MRTFB: variants seen among roughly 807,000 people sequenced by gnomAD.
MRTFB encodes the protein myocardin-related transcription factor B.
MRTFB carries 29 observed loss-of-function variants against 104.2 expected under a neutral mutation model. The ratio of observed to expected loss-of-function variants is 0.28; its 90% CI spans 0.21 to 0.38. The LOEUF (loss-of-function observed/expected upper bound fraction) is 0.38, where lower values mean the gene tolerates loss of function less well. Among genes scored for constraint, MRTFB ranks in the 10% least tolerant of loss-of-function variants. The probability of loss-of-function intolerance (pLI) is 1.00; values close to 1 mark genes in which losing one functional copy is unlikely to be tolerated. For missense variants in MRTFB, 1,270 were observed against 1,341.6 expected, an observed-to-expected ratio of 0.95 and a Z score of 0.83; for synonymous variants, 535 against 519.5, an observed-to-expected ratio of 1.03 and a Z score of -0.41.
At chr16:14,075,068 A>G (rs1002329441) in intron 1 of MRTFB, among the ~76,000 whole-genome samples, 1 of 152,222 alleles carries the variant, frequency 6.6e-6, no homozygotes, top group Non-Finnish European at 1.5e-5. Context: ...AAGTTTTCTC[A>G]AATGGGACGT....
At chr16:14,217,945 A>G (rs2041498853) in intron 7 of MRTFB, among the ~76,000 whole-genome samples, 1 of 152,214 alleles carries the variant, frequency 6.6e-6, no homozygotes, top group Non-Finnish European at 1.5e-5. Flanking sequence ...CTTTAGCAGA[A>G]AAACAGAAAA....
At chr16:14,236,494 A>C (rs2042518045) in intron 9 of MRTFB, among the ~76,000 whole-genome samples, 1 of 152,178 alleles carries the variant, frequency 6.6e-6, no homozygotes, top group African/African-American at 2.4e-5. Flanking sequence ...ACAACCAAAT[A>C]GAGAGTGTGC....
intron 3 of MRTFB, among the ~76,000 whole-genome samples, chr16:14,196,491 A>G (rs2157043): frequency 0.18 from 27,197 of 152,202 alleles, 6,257 homozygotes; most frequent in African/African-American, 0.53. Flanking sequence ...CCAATTCTGT[A>G]TACTTAATAA....
In MRTFB at chr16:14,177,906, GTGT is replaced by G. The variant is rs2150997117; in HGVS notation, c.155-32336_155-32334del. On this transcript the variant is annotated intron_variant, in intron 3 of 16. Transcript: ENST00000571589. The surrounding 1 kb of genome is among the most constrained non-coding windows in gnomAD (Gnocchi z 4.7). Reference sequence around the variant, plus strand: ...GAAGTACATGAACCAGAGGTAGGGTGTGTGTGTGTGTGTGTGTGTGTGTGTGTG... The same window carrying G: ...GAAGTACATGAACCAGAGGTAGGGTGGTGTGTGTGTGTGTGTGTGTGTGTG... Among the ~76,000 whole-genome samples, 1 of 118,874 alleles carries G rather than the reference GTGT, an allele frequency of 8.4e-6. No homozygotes were observed. The highest frequency in any genetic ancestry group is 5.0e-5 in the African/African-American group (1 of 20,098). The allele number at this position is 118,874 out of a possible 152,430, so 78.0% of individuals were successfully genotyped here. A position where few individuals can be genotyped will look rare whatever the true frequency, so the allele number is the denominator to read the frequency against.
chr16:14,043,620 A>G, the MRTFB span, among the ~76,000 whole-genome samples: 1 of 152,242 alleles, frequency 6.6e-6, no homozygotes, highest in African/African-American at 2.4e-5. Flanking sequence ...TATAGAAACA[A>G]GGAAGAAATA....
chr16:14,178,667 G>A (rs1026144051), intron 3 of MRTFB, among the ~76,000 whole-genome samples: 1 of 152,164 alleles, frequency 6.6e-6, no homozygotes, highest in Non-Finnish European at 1.5e-5. Flanking sequence ...ACAAACTTGA[G>A]TAATATACAG....
intron 2 of MRTFB, among the ~76,000 whole-genome samples, chr16:14,106,628 T>C (rs776194179): frequency 2.0e-5 from 3 of 152,220 alleles, no homozygotes; most frequent in Non-Finnish European, 4.4e-5. Flanking sequence ...TAGTAAGCTC[T>C]AAGTAAACAT....
chr16:14,238,630 T>C (rs2042629653), intron 9 of MRTFB, among the ~76,000 whole-genome samples: 1 of 152,108 alleles, frequency 6.6e-6, no homozygotes, highest in South Asian at 2.1e-4. Context: ...GAGACCAGAA[T>C]GTTAGAAGGA....
chr16:14,054,081 G>T, the MRTFB span, among the ~76,000 whole-genome samples: 4 of 152,158 alleles, frequency 2.6e-5, no homozygotes, highest in Admixed American at 2.6e-4. Flanking sequence ...TGTTCATGGT[G>T]ATCTGTGCCA....
At chr16:14,242,017 A>G (rs2042795443) in intron 10 of MRTFB, among the ~76,000 whole-genome samples, 2 of 150,146 alleles carry the variant, frequency 1.3e-5, no homozygotes, top group South Asian at 4.2e-4. Flanking sequence ...AATAATGGTA[A>G]TGATGTCTCA....
chr16:14,041,693 G>A, the MRTFB span, among the ~76,000 whole-genome samples: 7 of 152,064 alleles, frequency 4.6e-5, no homozygotes, highest in African/African-American at 1.2e-4. Flanking sequence ...TTGGGAGGTC[G>A]GGGCGGGCAG....
chr16:14,118,029 A>G (rs1163628721), intron 2 of MRTFB, among the ~76,000 whole-genome samples: 3 of 152,136 alleles, frequency 2.0e-5, no homozygotes, highest in Non-Finnish European at 4.4e-5. Context: ...TTTGATTTAC[A>G]TTAAAAGAAA....
chr16:14,079,986 C>T (rs371238810), intron 2 of MRTFB, among the ~76,000 whole-genome samples: 4 of 152,210 alleles, frequency 2.6e-5, no homozygotes, highest in Non-Finnish European at 5.9e-5. Context: ...TACATCTCTG[C>T]GGGAATTGGA....
At chr16:14,022,207 C>T in the MRTFB span, among the ~76,000 whole-genome samples, 4 of 152,152 alleles carry the variant, frequency 2.6e-5, no homozygotes, top group Non-Finnish European at 5.9e-5. Flanking sequence ...GTTTGGAGAG[C>T]CAGTCTGCCT....
intron 3 of MRTFB, among the ~76,000 whole-genome samples, chr16:14,186,185 A>G (rs1287361630): frequency 6.6e-6 from 1 of 152,228 alleles, no homozygotes; most frequent in African/African-American, 2.4e-5. Context: ...CCCTATTACA[A>G]AGAGCATCAG....
chr16:14,086,961 A>G (rs2034740914), intron 2 of MRTFB, among the ~76,000 whole-genome samples: 1 of 152,224 alleles, frequency 6.6e-6, no homozygotes, highest in African/African-American at 2.4e-5. Context: ...CTTAAAGTTT[A>G]GACTGGCAGG....
chr16:14,031,401 A>AAT, the MRTFB span, among the ~76,000 whole-genome samples: 1 of 152,080 alleles, frequency 6.6e-6, no homozygotes, highest in South Asian at 2.1e-4. Flanking sequence ...CAAAAAAAAA[A>AAT]AAAAAAGAAT....
At chr16:14,260,280 A>T (rs944415599) in intron 16 of MRTFB, among the ~76,000 whole-genome samples, 7 of 152,144 alleles carry the variant, frequency 4.6e-5, no homozygotes, top group Non-Finnish European at 8.8e-5. Flanking sequence ...ATGAAATCAA[A>T]TGTCATTGTA....
At chr16:14,216,171 A>ACCT (rs2041414978) in intron 6 of MRTFB, among the ~76,000 whole-genome samples, 1 of 152,180 alleles carries the variant, frequency 6.6e-6, no homozygotes, top group African/African-American at 2.4e-5. Flanking sequence ...CTGCAGGGTA[A>ACCT]CCTCCTAGCC....
Sources: allele counts gnomAD v4.1 joint callset (sites outside exome capture counted in the v4.1 genomes callset), GRCh38; gene constraint gnomAD v4.1.1; non-coding constraint Gnocchi (gnomAD v3.1); transcripts MANE v1.5; gene names NCBI Gene and HGNC (gene_info 2026-07-23, HGNC 2026-07-21).